The following CCDC97 variants were observed in gnomAD, a reference collection of about 807,000 sequenced individuals.
CCDC97 encodes coiled-coil domain containing 97.
A neutral mutation model predicts 33.9 loss-of-function variants in CCDC97; 27 were observed. The ratio of observed to expected loss-of-function variants is 0.80; its 90% CI spans 0.59 to 1.10. The LOEUF (loss-of-function observed/expected upper bound fraction) is 1.10, where lower values mean the gene tolerates loss of function less well. Ranked by LOEUF, CCDC97 falls within the 50% of genes least tolerant of loss-of-function variation. The probability of loss-of-function intolerance (pLI) is 0.00; values close to 1 mark genes in which losing one functional copy is unlikely to be tolerated. For synonymous variants in CCDC97, 217 were observed against 194.0 expected, an observed-to-expected ratio of 1.12 and a Z score of -0.99; for missense variants, 422 against 476.6, an observed-to-expected ratio of 0.89 and a Z score of 1.07.
At position 41,317,311 on chromosome 19, in the gene CCDC97, T is replaced by G. The variant is rs1019954774; in HGVS notation, c.502+472T>G. ...AGATAGCTTTTTGACCATGACATAA[T>G]TAAAAGCATCCTTGTGACCACAACA... On this transcript the variant is annotated intron_variant, in intron 2 of 4. Transcript: ENST00000269967. 5.3e-5 allele frequency among the ~76,000 whole-genome samples: 8 copies of G among 152,230 alleles called. No homozygotes were observed. The East Asian group carries it at 1.2e-3, about 22-fold the overall frequency.
rs1329487680 is a variant in CCDC97, at chr19:41,322,644, G to A, written c.961G>A (p.Asp321Asn). Residue 321 changes from aspartate to asparagine, a missense_variant, in exon 5 of 5, where the codon GAT becomes AAT. Coordinates refer to ENST00000269967, the MANE Select transcript of CCDC97 (RefSeq NM_052848.3). ...CGACAACCTCGACATCGTGGCACGG[G>A]ATGAGGAGGAGAGGTACTTTGATGA... The part of the protein sequence containing the change: ...DFDNLDIVAR[D>N]EEERYFDEEE... 4 of 1,613,392 alleles carry A rather than the reference G, an allele frequency of 2.5e-6. No homozygotes were observed.
At chr19:41,321,215 C>T (rs7257310) in intron 4 of CCDC97, among the ~76,000 whole-genome samples, 32,190 of 152,276 alleles carry the variant, frequency 0.21, 3,729 homozygotes, top group East Asian at 0.35. Context: ...CCAGAGCCTC[C>T]TCCCATTCTG....
rs536944787 is a variant in CCDC97 at position 41,323,632 on chromosome 19, C to G, written c.*917C>G. Reference sequence around the variant, plus strand: ...TACCCTTCTCAGCCCCACCAGCCCCCCTCTGCCCAACCACAATTTTCCCTT... The same window carrying G: ...TACCCTTCTCAGCCCCACCAGCCCCGCTCTGCCCAACCACAATTTTCCCTT... On this transcript the variant is annotated 3_prime_UTR_variant, in exon 5 of 5. Coordinates refer to ENST00000269967, the MANE Select transcript of CCDC97 (RefSeq NM_052848.3). 53 of 154,496 alleles carry G rather than the reference C, an allele frequency of 3.4e-4. 2 individuals are homozygous for G. In the South Asian group the frequency reaches 9.8e-3, roughly 29 times the overall value. 9.6% of individuals were successfully genotyped at this position (154,496 alleles called of 1,614,324 possible). A position where few individuals can be genotyped will look rare whatever the true frequency, so the allele number is the denominator to read the frequency against.
intron 1 of CCDC97, 187 bp downstream of exon 1, chr19:41,310,543 CCATT>C (rs2037670847): frequency 1.0e-6 from 1 of 985,232 alleles, no homozygotes; most frequent in Admixed American, 6.2e-5. Flanking sequence ...TTCTTTTCCT[CCATT>C]CCTTCCCCCC....
intron 1 of CCDC97, among the ~76,000 whole-genome samples, chr19:41,314,228 C>A (rs572926813): frequency 6.6e-6 from 1 of 152,104 alleles, no homozygotes; most frequent in Non-Finnish European, 1.5e-5. Context: ...CTCACCGCAA[C>A]CTCTGCCTCC....
rs945871524 is a variant in CCDC97 at position 41,310,302 on chromosome 19, A to G, written c.-9A>G. 3.5e-5 allele frequency: 56 copies of G among 1,600,762 alleles called. No individual in the cohort carries two copies. Among genetic ancestry groups the G allele is most frequent in the Non-Finnish European group, 4.5e-5 (53 of 1,174,032 alleles). ...CCGCCGGGCGGTTGAAAAGTCCGAG[A>G]GAATCAGGATGGAGGCCGTGGCGAC... On this transcript the variant is annotated 5_prime_UTR_variant, in exon 1 of 5. Coordinates refer to ENST00000269967, the MANE Select transcript of CCDC97 (RefSeq NM_052848.3).
intron 1 of CCDC97, among the ~76,000 whole-genome samples, chr19:41,311,963 G>T (rs1290891551): frequency 1.3e-5 from 2 of 152,102 alleles, no homozygotes; most frequent in Admixed American, 6.5e-5. Context: ...ATGTATACTT[G>T]GTCTTCATTT....
Position 41,320,409 on chromosome 19 carries a change from G to T in CCDC97, c.850G>T (p.Glu284Ter), listed in dbSNP as rs777367557. The change falls in exon 4 of 5, where the codon GAG becomes TAG. Residue 284 changes from glutamate to a stop codon, truncating the protein, a stop_gained. Coordinates refer to ENST00000269967, the MANE Select transcript of CCDC97 (RefSeq NM_052848.3). LOFTEE classifies it high-confidence loss of function. ...DSEERLILREEFTSRMHQRFL... is the reference protein window; with the variant it reads ...DSEERLILRE Reference sequence around the variant, plus strand: ...GGAGGAGAGGCTGATCCTGCGAGAGGAGTTCACCAGCCGCATGCACCAGCG... The same window carrying T: ...GGAGGAGAGGCTGATCCTGCGAGAGTAGTTCACCAGCCGCATGCACCAGCG... 5.0e-6 allele frequency: 8 copies of T among 1,614,124 alleles called. No homozygotes were observed. Among genetic ancestry groups the T allele is most frequent in the South Asian group, 1.1e-5 (1 of 91,080 alleles).
At chr19:41,318,191 G>A (rs1415237141) in intron 2 of CCDC97, among the ~76,000 whole-genome samples, 2 of 151,958 alleles carry the variant, frequency 1.3e-5, no homozygotes, top group Non-Finnish European at 2.9e-5. Flanking sequence ...GCTCAGACCT[G>A]TAATCCCAGC....
In CCDC97 at chr19:41,319,647, TC is replaced by T; in HGVS notation, c.577del (p.Leu193SerfsTer87). On this transcript the variant is annotated frameshift_variant, in exon 3 of 5. Transcript: ENST00000269967. LOFTEE classifies it high-confidence loss of function. Reference sequence around the variant, plus strand: ...TATATGAGCAGTACATCGGGCAGTATCTCACCCAGGAGGAGCTCAGTGCCCG... The same window carrying T: ...TATATGAGCAGTACATCGGGCAGTATTCACCCAGGAGGAGCTCAGTGCCCG... ...LLYEQYIGQY[L>X]TQEELSARTP... is the part of the protein sequence containing the mutation. 1 of 1,614,010 alleles carries T rather than the reference TC, an allele frequency of 6.2e-7. No individual in the cohort carries two copies. The highest frequency in any genetic ancestry group is 8.5e-7 in the Non-Finnish European group (1 of 1,179,942).
rs1330802352 is a variant in CCDC97, at chr19:41,324,862, G to C, written c.*2147G>C. On this transcript the variant is annotated 3_prime_UTR_variant, in exon 5 of 5. Coordinates refer to ENST00000269967, the MANE Select transcript of CCDC97 (RefSeq NM_052848.3). ...AGTCTATCATTTGGTCATTAAATTTGTTTACAATATACTTTGCTATACGTA... is the reference window on the plus strand; with the variant it reads ...AGTCTATCATTTGGTCATTAAATTTCTTTACAATATACTTTGCTATACGTA... 1 of 152,204 alleles carries C rather than the reference G, an allele frequency of 6.6e-6. No homozygotes were observed. Among genetic ancestry groups the C allele is most frequent in the Non-Finnish European group, 1.5e-5 (1 of 68,028 alleles). 9.4% of individuals were successfully genotyped at this position (152,204 alleles called of 1,614,324 possible). A position where few individuals can be genotyped will look rare whatever the true frequency, so the allele number is the denominator to read the frequency against.
chr19:41,318,009 GAAGA>G (rs1568469407), intron 2 of CCDC97, among the ~76,000 whole-genome samples: 1 of 142,280 alleles, frequency 7.0e-6, no homozygotes, highest in Non-Finnish European at 1.5e-5. Flanking sequence ...AAAAAAAAAA[GAAGA>G]AAGATGAATG....
rs761863382 is a variant in CCDC97, at chr19:41,319,820, A to C, written c.749A>C (p.Glu250Ala). ...QQEEEEACLE[E>A]EEEEEDSDEE... Reference sequence around the variant, plus strand: ...GAGGAGGAGGAGGCCTGCTTGGAGGAAGAGGAAGAGGAGGAGGACAGTGAC... The same window carrying C: ...GAGGAGGAGGAGGCCTGCTTGGAGGCAGAGGAAGAGGAGGAGGACAGTGAC... The change falls in exon 3 of 5, where the codon GAA (glutamate) becomes GCA (alanine). Residue 250 changes from glutamate (E) to alanine (A), a missense_variant. Physicochemically the swap from Glu to Ala is moderately radical, Grantham distance 107. Transcript: ENST00000269967. 1.3e-6 allele frequency: 2 copies of C among 1,575,832 alleles called. No homozygotes were observed. Among genetic ancestry groups the C allele is most frequent in the South Asian group, 2.2e-5 (2 of 90,040 alleles).
chr19:41,310,539 T>C (rs757952069), intron 1 of CCDC97, 183 bp downstream of exon 1: 7 of 985,302 alleles, frequency 7.1e-6, no homozygotes, highest in Non-Finnish European at 8.4e-6. Flanking sequence ...GACCTTCTTT[T>C]CCTCCATTCC....
At chr19:41,316,067 TG>T (rs2037742255) in intron 1 of CCDC97, among the ~76,000 whole-genome samples, 1 of 152,196 alleles carries the variant, frequency 6.6e-6, no homozygotes, top group African/African-American at 2.4e-5. Flanking sequence ...CACTCCAGCC[TG>T]GGTGACCGAG....
chr19:41,322,286 G>A (rs957785223), intron 4 of CCDC97, among the ~76,000 whole-genome samples: 35 of 152,186 alleles, frequency 2.3e-4, no homozygotes, highest in African/African-American at 8.2e-4. Context: ...TGTAGAGACA[G>A]GGTCTCCCTT....
chr19:41,320,249 T>A (rs2037806091), intron 3 of CCDC97, 92 bp from the exon 4 acceptor site: 1 of 1,553,642 alleles, frequency 6.4e-7, no homozygotes, highest in African/African-American at 1.4e-5. Flanking sequence ...AGCGCAAGGC[T>A]GGGCACAGGA....
intron 4 of CCDC97, among the ~76,000 whole-genome samples, chr19:41,321,989 C>G (rs577872122): frequency 2.0e-5 from 3 of 152,220 alleles, no homozygotes; most frequent in African/African-American, 7.2e-5. Flanking sequence ...GTCAAAATGC[C>G]GTGGGGGCAA....
In CCDC97 at chr19:41,316,192, C is replaced by T. The variant is rs544379754; in HGVS notation, c.47-192C>T. ...GGAAACACCTAACACATTATGTTTT[C>T]GGTAATTATGTTGCTAATTGTTTGT... On this transcript the variant is annotated intron_variant, in intron 1 of 4. Transcript: ENST00000269967. Among the ~76,000 whole-genome samples, 11 of 152,294 alleles carry T rather than the reference C, an allele frequency of 7.2e-5. No homozygotes were observed. In the South Asian group the frequency reaches 1.4e-3, roughly 20 times the overall value.
Sources: gnomAD v4.1 joint callset for allele counts (sites outside exome capture counted in the v4.1 genomes callset) on GRCh38, gnomAD v4.1.1 for gene constraint, MANE v1.5 for transcripts, NCBI Gene and HGNC (gene_info 2026-07-23, HGNC 2026-07-21) for gene names.